RBMS3: variants seen among roughly 807,000 people sequenced by gnomAD.
RBMS3 encodes the protein RNA-binding motif, single-stranded-interacting protein 3.
In RBMS3, 27 loss-of-function variants were observed where a neutral mutation model predicts 66.8. That is an observed-to-expected ratio of 0.40 (90% confidence interval 0.30 to 0.56). The LOEUF is 0.56. Among genes scored for constraint, RBMS3 ranks in the 20% least tolerant of loss-of-function variants. The pLI, the probability that RBMS3 is intolerant of heterozygous loss-of-function variation, is 0.40. For missense variants in RBMS3, 513 were observed against 549.5 expected (o/e 0.93, Z 0.66); for synonymous variants, 188 against 183.0 (o/e 1.03, Z -0.22).
chr3:29,943,223 C>A (rs1022757515), intron 11 of RBMS3, among the ~76,000 whole-genome samples: 2 of 151,784 alleles, frequency 1.3e-5, no homozygotes, highest in African/African-American at 4.8e-5. Flanking sequence ...TAATAAAGGT[C>A]ATATAAATGG....
chr3:29,719,775 T>C (rs2053563811), intron 4 of RBMS3, among the ~76,000 whole-genome samples: 1 of 152,206 alleles, frequency 6.6e-6, no homozygotes, highest in African/African-American at 2.4e-5. Flanking sequence ...TCAGAAAGTG[T>C]GTAGAATTTA....
chr3:29,857,165 C>T (rs1290735209), intron 6 of RBMS3, among the ~76,000 whole-genome samples: 3 of 152,184 alleles, frequency 2.0e-5, no homozygotes, highest in Non-Finnish European at 4.4e-5. Context: ...GAGTTCACTG[C>T]ATCCTGGGAA....
intron 1 of RBMS3, among the ~76,000 whole-genome samples, chr3:29,353,199 T>A (rs943923426): frequency 5.9e-4 from 89 of 151,940 alleles, no homozygotes; most frequent in African/African-American, 2.1e-3. Context: ...CTTTCTCTTA[T>A]CTGATTGCAT....
intron 12 of RBMS3, among the ~76,000 whole-genome samples, chr3:29,968,571 C>G (rs1697013272): frequency 6.6e-6 from 1 of 152,220 alleles, no homozygotes; most frequent in African/African-American, 2.4e-5. Context: ...CTTAACTTGA[C>G]TCAGCTCCAG....
chr3:29,451,560 T>G (rs1185438148), intron 2 of RBMS3, among the ~76,000 whole-genome samples: 2 of 151,952 alleles, frequency 1.3e-5, no homozygotes, highest in Non-Finnish European at 2.9e-5. Context: ...CTTCTACTTA[T>G]GAGGATTTTG....
chr3:29,812,548 G>C (rs1347380843), intron 6 of RBMS3, among the ~76,000 whole-genome samples: 3 of 152,204 alleles, frequency 2.0e-5, no homozygotes, highest in Admixed American at 6.5e-5. Flanking sequence ...CTGACCAACT[G>C]TTTTGGTTGC....
rs71091070 is a variant in RBMS3 at position 29,546,108 on chromosome 3, TTGTGTGTGTGTGTGTGTGTGTG to T, written c.308-40982_308-40961del. Among the ~76,000 whole-genome samples the T allele has an allele frequency of 1.1e-3, 160 of 146,048 alleles. 1 individual carries two copies. The highest frequency in any genetic ancestry group is 1.6e-3 in the Non-Finnish European group (104 of 66,582). ...GCTGGCACTGTTTGATGAGACGGGT[TTGTGTGTGTGTGTGTGTGTGTG>T]TGTGTGTGTGTGTGTGTGTGTGTTT... is the stretch of plus-strand genomic sequence containing the variant. On this transcript the variant is annotated intron_variant, in intron 3 of 14. Coordinates refer to ENST00000383767, the MANE Select transcript of RBMS3 (RefSeq NM_001003793.3).
At chr3:29,971,994 T>G (rs1277297034) in intron 12 of RBMS3, among the ~76,000 whole-genome samples, 6 of 152,120 alleles carry the variant, frequency 3.9e-5, no homozygotes, top group Non-Finnish European at 8.8e-5. Context: ...CAAACATAAT[T>G]GAGATGATGT....
chr3:29,864,997 GGA>G (rs2059319171), intron 6 of RBMS3, among the ~76,000 whole-genome samples: 1 of 133,050 alleles, frequency 7.5e-6, no homozygotes, highest in African/African-American at 2.9e-5. Flanking sequence ...AGGAAGGAAG[GGA>G]AGGGAAAGGA....
chr3:29,883,566 A>C (rs536506232), intron 7 of RBMS3, among the ~76,000 whole-genome samples: 50 of 151,960 alleles, frequency 3.3e-4, no homozygotes, highest in African/African-American at 1.2e-3. Context: ...ACAAAACATA[A>C]CTACCTCCTT....
chr3:29,464,789 C>T (rs2125786634), intron 2 of RBMS3, among the ~76,000 whole-genome samples: 1 of 152,296 alleles, frequency 6.6e-6, no homozygotes, highest in African/African-American at 2.4e-5. Context: ...TTCACCCCCA[C>T]CTTATTCCTA....
intron 6 of RBMS3, among the ~76,000 whole-genome samples, chr3:29,818,190 A>T (rs2149470235): frequency 6.6e-6 from 1 of 152,228 alleles, no homozygotes; most frequent in Non-Finnish European, 1.5e-5. Context: ...TTTCACTGAA[A>T]ATCTTAACTT....
intron 6 of RBMS3, among the ~76,000 whole-genome samples, chr3:29,847,717 G>T (rs574405925): frequency 1.3e-3 from 192 of 151,620 alleles, no homozygotes; most frequent in African/African-American, 4.6e-3. Context: ...GTGCAGTGGC[G>T]CGATCTCGGC....
At chr3:29,431,849 C>T (rs1310882741) in intron 1 of RBMS3, among the ~76,000 whole-genome samples, 1 of 152,078 alleles carries the variant, frequency 6.6e-6, no homozygotes, top group Non-Finnish European at 1.5e-5. Flanking sequence ...CCTCGGCCTC[C>T]TGGATAGCAG....
chr3:29,834,031 G>A (rs143631939), intron 6 of RBMS3, among the ~76,000 whole-genome samples: 1 of 152,190 alleles, frequency 6.6e-6, no homozygotes, highest in East Asian at 1.9e-4. Context: ...GCACAGGGTA[G>A]AATGATGTAG....
chr3:29,875,344 C>G (rs2059588384), intron 7 of RBMS3, among the ~76,000 whole-genome samples: 1 of 152,096 alleles, frequency 6.6e-6, no homozygotes, highest in South Asian at 2.1e-4. Context: ...CCAGGCTCAT[C>G]TTAGTAGCAA....
chr3:29,846,672 T>A (rs968984784), intron 6 of RBMS3, among the ~76,000 whole-genome samples: 2 of 152,190 alleles, frequency 1.3e-5, no homozygotes, highest in Non-Finnish European at 2.9e-5. Context: ...CATCTTAGTT[T>A]AGAAGCTCAT....
chr3:29,514,045 C>T (rs2044516548), intron 3 of RBMS3, among the ~76,000 whole-genome samples: 1 of 152,162 alleles, frequency 6.6e-6, no homozygotes, highest in Admixed American at 6.5e-5. Flanking sequence ...TTGTGCCTAA[C>T]ACAGTGCCTG....
intron 1 of RBMS3, among the ~76,000 whole-genome samples, chr3:29,414,002 A>G (rs1017721098): frequency 1.3e-5 from 2 of 152,194 alleles, no homozygotes; most frequent in Non-Finnish European, 2.9e-5. Context: ...TTCTCCTTTC[A>G]GAATGTGCTT....
Sources: gnomAD v4.1 joint callset for allele counts (sites outside exome capture counted in the v4.1 genomes callset) on GRCh38, gnomAD v4.1.1 for gene constraint, MANE v1.5 for transcripts, NCBI Gene and HGNC (gene_info 2026-07-23, HGNC 2026-07-21) for gene names.